The following IL25 variants were observed in gnomAD, a reference collection of about 807,000 sequenced individuals.
The protein encoded by IL25 is interleukin-25.
IL25 carries 10 observed loss-of-function variants against 13.2 expected under a neutral mutation model. The ratio of observed to expected loss-of-function variants is 0.76; its 90% CI spans 0.47 to 1.29. IL25 has a LOEUF of 1.29. IL25 is among the 50% of genes most tolerant of loss of function. The probability of loss-of-function intolerance (pLI) is 0.00; values close to 1 mark genes in which losing one functional copy is unlikely to be tolerated. For synonymous variants in IL25, 107 were observed against 92.1 expected (o/e 1.16, Z -0.93); for missense variants, 235 against 232.4 (o/e 1.01, Z -0.07).
At chr14:23,373,367 C>T (rs760281775) in exon 1 of IL25, 5 of 1,613,136 alleles carry the variant, frequency 3.1e-6, no homozygotes, top group African/African-American at 1.3e-5. Flanking sequence ...GACCCCTCAA[C>T]AGCAGGGCCA....
Position 23,375,767 on chromosome 14 carries a change from T to TGAA in IL25, c.421_422insGAA (p.Tyr141delinsTer). 1 of 1,614,196 alleles carries TGAA rather than the reference T, an allele frequency of 6.2e-7. No individual in the cohort carries two copies. Among genetic ancestry groups the TGAA allele is most frequent in the Middle Eastern group, 1.6e-4 (1 of 6,062 alleles). On this transcript the variant is annotated stop_gained, in exon 2 of 2. Transcript: ENST00000329715. LOFTEE classifies it high-confidence loss of function. ...GCTCTACCACAACCAGACTGTCTTCTACCGGCGGCCATGCCATGGCGAGAA... is the reference window on the plus strand; with the variant it reads ...GCTCTACCACAACCAGACTGTCTTCTGAAACCGGCGGCCATGCCATGGCGAGAA...
chr14:23,373,493 T>C lies in IL25; in HGVS notation c.278+97T>C, dbSNP rs540111742. The C allele has an allele frequency of 4.7e-6, 5 of 1,067,438 alleles. No homozygotes were observed. The African/African-American group carries it at 7.9e-5, about 17-fold the overall frequency. 66.1% of individuals were successfully genotyped at this position (1,067,438 alleles called of 1,614,324 possible). ...ATTCCAGCTTACTTTCCCATTTTGA[T>C]CTCAGAGGGGCTGTAAAGGTTTGGG... is the stretch of plus-strand genomic sequence containing the variant. On this transcript the variant is annotated intron_variant, in intron 1 of 1. Coordinates refer to ENST00000329715, the Ensembl canonical transcript of IL25.
At chr14:23,376,061 G>C in exon 2 of IL25, 1 of 794,490 alleles carries the variant, frequency 1.3e-6, no homozygotes, top group Non-Finnish European at 1.9e-6. Context: ...ATTTTGAAAA[G>C]AGCAGCTGCT....
At chr14:23,375,522 A>G in intron 1 of IL25, 103 bp from the exon 3 acceptor site, 1 of 1,399,052 alleles carries the variant, frequency 7.1e-7, no homozygotes, top group South Asian at 1.3e-5. Context: ...CAAGAGGCCA[A>G]GGCCCCAGAC....
chr14:23,372,974 A>G (rs1327107973), exon 1 of IL25: 2 of 1,613,816 alleles, frequency 1.2e-6, no homozygotes, highest in South Asian at 1.1e-5. Flanking sequence ...AGCATGTACC[A>G]GGTCAGTGCA....
intron 1 of IL25, among the ~76,000 whole-genome samples, chr14:23,374,693 C>T (rs1890490744): frequency 6.6e-6 from 1 of 151,138 alleles, no homozygotes; most frequent in African/African-American, 2.4e-5. Context: ...TGTGGGACAT[C>T]TACTTTTCAG....
At chr14:23,373,548 G>T (rs545941314) in intron 1 of IL25, 152 bp downstream of exon 2, 46 of 667,632 alleles carry the variant, frequency 6.9e-5, no homozygotes, top group African/African-American at 6.4e-4. Context: ...TTGAGTCCTA[G>T]CTCTGACTCT....
intron 1 of IL25, among the ~76,000 whole-genome samples, chr14:23,374,300 G>C (rs1890483731): frequency 1.3e-5 from 2 of 152,278 alleles, no homozygotes; most frequent in South Asian, 2.1e-4. Flanking sequence ...CTGTCTTCCA[G>C]ACCCCTTGCT....
exon 2 of IL25, chr14:23,375,730 C>A (rs1198313191): frequency 6.2e-7 from 1 of 1,614,248 alleles, no homozygotes; most frequent in East Asian, 2.2e-5. Flanking sequence ...ACCCCCGGGG[C>A]AACTCGGAGC....
chr14:23,373,293 G>A (rs764376565), exon 1 of IL25: 1 of 1,614,160 alleles, frequency 6.2e-7, no homozygotes, highest in South Asian at 1.1e-5. Flanking sequence ...CACTGTGCCT[G>A]TGCCTCCCCT....
At chr14:23,373,010 G>A in exon 1 of IL25, 1 of 1,614,026 alleles carries the variant, frequency 6.2e-7, no homozygotes, top group African/African-American at 1.3e-5. Flanking sequence ...GCTGTGCTGA[G>A]AGGGAGAGGA....
At chr14:23,375,875 G>C in exon 2 of IL25, 2 of 1,613,680 alleles carry the variant, frequency 1.2e-6, no homozygotes, top group South Asian at 1.1e-5. Context: ...CCGTGTGATG[G>C]GCTAGCCGGA....
chr14:23,375,703 G>A lies in IL25; in HGVS notation c.357G>A (p.Gln119=), dbSNP rs147433946. Residue 119 remains glutamine (Q), a synonymous_variant, in exon 2 of 2, where the codon CAG becomes CAA. Transcript: ENST00000329715. Reference sequence around the variant, plus strand: ...TGTGCCCGCACTGCGTCAGCCTACAGACAGGCTCCCACATGGACCCCCGGG... The same window carrying A: ...TGTGCCCGCACTGCGTCAGCCTACAAACAGGCTCCCACATGGACCCCCGGG... 113 of 1,614,198 alleles carry A rather than the reference G, an allele frequency of 7.0e-5. No individual in the cohort carries two copies. The African/African-American group carries it at 1.4e-3, about 20-fold the overall frequency.
At chr14:23,372,998 G>A (rs1890454054) in exon 1 of IL25, 1 of 1,613,998 alleles carries the variant, frequency 6.2e-7, no homozygotes, top group Admixed American at 1.7e-5. Context: ...GGCTGCCTGA[G>A]GGCTGTGCTG....
rs1347183746 is a variant in IL25 at position 23,373,107 on chromosome 14, G to C, written c.-12G>C. 3 of 1,613,978 alleles carry C rather than the reference G, an allele frequency of 1.9e-6. No homozygotes were observed. The East Asian group carries it at 6.7e-5, about 36-fold the overall frequency. On this transcript the variant is annotated 5_prime_UTR_variant, in exon 1 of 2. Coordinates refer to ENST00000329715, the Ensembl canonical transcript of IL25. The stretch of plus-strand genomic sequence containing the variant: ...TGGAGTGAGAAACTGGGATCCCAGG[G>C]GGAGGGTGCAGATGAGGGAGCGACC...
chr14:23,374,712 A>ATCTT (rs200247185), intron 1 of IL25, among the ~76,000 whole-genome samples: 6 of 144,168 alleles, frequency 4.2e-5, no homozygotes, highest in Non-Finnish European at 9.0e-5. Context: ...AGTGTTTTTC[A>ATCTT]TCTTTCTTTC....
At chr14:23,373,184 A>G (rs1246208646) in exon 1 of IL25, 1 of 1,614,174 alleles carries the variant, frequency 6.2e-7, no homozygotes, top group African/African-American at 1.3e-5. Context: ...AGGTGGTTGC[A>G]TTCTTGGCAA....
exon 2 of IL25, chr14:23,376,009 G>C: frequency 7.9e-7 from 1 of 1,264,870 alleles, no homozygotes; most frequent in Non-Finnish European, 1.1e-6. Context: ...CAGGATCCCG[G>C]GACAGGATGG....
chr14:23,374,069 T>A (rs1178186194), intron 1 of IL25, among the ~76,000 whole-genome samples: 1 of 152,164 alleles, frequency 6.6e-6, no homozygotes, highest in African/African-American at 2.4e-5. Context: ...TCCAGACATG[T>A]GATTTCACTT....
Sources: allele counts gnomAD v4.1 joint callset (sites outside exome capture counted in the v4.1 genomes callset), GRCh38; gene constraint gnomAD v4.1.1; transcripts MANE v1.5; gene names NCBI Gene and HGNC (gene_info 2026-07-23, HGNC 2026-07-21).